The following ANAPC10 variants were observed in gnomAD, a reference collection of about 807,000 sequenced individuals.
ANAPC10 encodes anaphase-promoting complex subunit 10.
ANAPC10 carries 12 observed loss-of-function variants against 22.0 expected under a neutral mutation model. That is an observed-to-expected ratio of 0.55 (90% CI 0.35 to 0.88). ANAPC10 has a LOEUF of 0.88. ANAPC10 is among the 40% of genes least tolerant of loss of function. The pLI is 0.01. For missense variants in ANAPC10, 188 were observed against 220.9 expected (o/e 0.85, Z 0.94); for synonymous variants, 65 against 69.5 (o/e 0.94, Z 0.32).
intron 3 of ANAPC10, among the ~76,000 whole-genome samples, chr4:145,066,463 C>T (rs192535849): frequency 1.5e-4 from 23 of 151,192 alleles, no homozygotes; most frequent in African/African-American, 4.6e-4. Context: ...TCAAAGATCA[C>T]GAAGATGGCT....
chr4:145,048,522 G>A (rs755468564), intron 4 of ANAPC10, among the ~76,000 whole-genome samples: 13 of 152,056 alleles, frequency 8.5e-5, no homozygotes, highest in Non-Finnish European at 1.9e-4. Flanking sequence ...TCATCATTAA[G>A]TCTACTTAAT....
chr4:145,075,401 AC>A (rs1185767090), intron 3 of ANAPC10, among the ~76,000 whole-genome samples: 19 of 152,140 alleles, frequency 1.2e-4, no homozygotes, highest in Non-Finnish European at 2.9e-5. Context: ...CTTAAATAAA[AC>A]TTTTATTTAA....
At chr4:145,044,478 C>T (rs1478678735) in intron 4 of ANAPC10, among the ~76,000 whole-genome samples, 1 of 152,080 alleles carries the variant, frequency 6.6e-6, no homozygotes, top group Non-Finnish European at 1.5e-5. Context: ...TTCCCCCCAA[C>T]TCCCACCCAC....
chr4:145,098,279 C>G (rs1470233658), upstream of ANAPC10: 1 of 152,320 alleles, frequency 6.6e-6, no homozygotes, highest in Non-Finnish European at 1.5e-5. Context: ...GCGCGCACTA[C>G]GTCCTATGGC....
chr4:145,059,932 C>T (rs143491255), intron 4 of ANAPC10, among the ~76,000 whole-genome samples: 15 of 151,968 alleles, frequency 9.9e-5, no homozygotes, highest in African/African-American at 3.4e-4. Context: ...AATGCTAAAA[C>T]GCAAGGGATT....
chr4:145,015,340 T>A (rs1734945920), intron 4 of ANAPC10, among the ~76,000 whole-genome samples: 1 of 151,264 alleles, frequency 6.6e-6, no homozygotes. Context: ...AGAAAGAAAT[T>A]CAGAGCTTGA....
In ANAPC10 at chr4:144,994,810, G is replaced by A. The variant is rs1446561848; in HGVS notation, c.*563C>T. On this transcript the variant is annotated 3_prime_UTR_variant, in exon 5 of 5. Coordinates refer to ENST00000507656, the MANE Select transcript of ANAPC10 (RefSeq NM_001256706.2). Reference sequence around the variant, plus strand: ...GTAAGTATTCCGTGAAGGTGAATATGAGACAATTAATTATACTCCCCATAT... The same window carrying A: ...GTAAGTATTCCGTGAAGGTGAATATAAGACAATTAATTATACTCCCCATAT... The A allele has an allele frequency of 1.3e-5, 2 of 152,176 alleles. No individual in the cohort carries two copies. The highest frequency in any genetic ancestry group is 3.8e-4 in the East Asian group (2 of 5,198). 9.4% of individuals were successfully genotyped at this position (152,176 alleles called of 1,614,324 possible). A position where few individuals can be genotyped will look rare whatever the true frequency, so the allele number is the denominator to read the frequency against.
At chr4:145,039,128 T>G (rs968081028) in intron 4 of ANAPC10, among the ~76,000 whole-genome samples, 1 of 140,432 alleles carries the variant, frequency 7.1e-6, no homozygotes, top group Admixed American at 7.1e-5. Context: ...CAGAGAAAAA[T>G]AGGTCACATG....
At chr4:145,026,779 A>G (rs143320897) in intron 4 of ANAPC10, among the ~76,000 whole-genome samples, 43 of 150,928 alleles carry the variant, frequency 2.8e-4, no homozygotes, top group African/African-American at 1.0e-3. Context: ...AAAAACAAAA[A>G]CAAAGCATCA....
chr4:145,045,944 C>T (rs1288471114), intron 4 of ANAPC10, among the ~76,000 whole-genome samples: 1 of 152,064 alleles, frequency 6.6e-6, no homozygotes, highest in Non-Finnish European at 1.5e-5. Flanking sequence ...AACATATGTT[C>T]TAGCAAAAAT....
intron 4 of ANAPC10, among the ~76,000 whole-genome samples, chr4:145,034,515 A>G (rs1738151889): frequency 7.7e-6 from 1 of 129,192 alleles, no homozygotes. Flanking sequence ...CACTTAACAA[A>G]CTCTCCTTTA....
At chr4:145,065,593 T>G (rs79953717) in intron 3 of ANAPC10, among the ~76,000 whole-genome samples, 3,957 of 152,080 alleles carry the variant, frequency 0.026, 91 homozygotes, top group Non-Finnish European at 0.04. Flanking sequence ...CAGAAAAATC[T>G]TGTCCTGTGA....
At chr4:145,065,250 A>C (rs1054481838) in intron 3 of ANAPC10, among the ~76,000 whole-genome samples, 4 of 151,968 alleles carry the variant, frequency 2.6e-5, no homozygotes, top group African/African-American at 7.2e-5. Flanking sequence ...TAAAATATAC[A>C]TATCCTAGGG....
intron 4 of ANAPC10, among the ~76,000 whole-genome samples, chr4:144,997,335 C>A (rs1302523666): frequency 6.6e-6 from 1 of 152,130 alleles, no homozygotes; most frequent in Non-Finnish European, 1.5e-5. Context: ...GGCAGCCAGA[C>A]AGAAAGGTCG....
intron 4 of ANAPC10, among the ~76,000 whole-genome samples, chr4:145,042,646 C>T (rs1358639892): frequency 6.6e-6 from 1 of 152,034 alleles, no homozygotes; most frequent in Non-Finnish European, 1.5e-5. Flanking sequence ...AACAGAATCC[C>T]TCACAAATTG....
At chr4:145,085,426 GT>G (rs142253858) in intron 2 of ANAPC10, among the ~76,000 whole-genome samples, 9 of 145,512 alleles carry the variant, frequency 6.2e-5, no homozygotes, top group Admixed American at 2.1e-4. Context: ...TGATTAAAAG[GT>G]TTTTTTTTTC....
At chr4:145,082,160 T>C (rs1464862326) in intron 2 of ANAPC10, among the ~76,000 whole-genome samples, 1 of 152,206 alleles carries the variant, frequency 6.6e-6, no homozygotes, top group Admixed American at 6.5e-5. Flanking sequence ...AGATATTATA[T>C]TTTTTTGAGA....
chr4:145,000,748 C>T (rs1294113995), intron 4 of ANAPC10, among the ~76,000 whole-genome samples: 1 of 151,462 alleles, frequency 6.6e-6, no homozygotes, highest in Non-Finnish European at 1.5e-5. Context: ...CACATGCACA[C>T]GTTTATTGTG....
At chr4:145,032,176 G>T (rs1737684368) in intron 4 of ANAPC10, among the ~76,000 whole-genome samples, 1 of 152,184 alleles carries the variant, frequency 6.6e-6, no homozygotes, top group Non-Finnish European at 1.5e-5. Flanking sequence ...TGATATGCAG[G>T]CACCACCTGC....
Sources: gnomAD v4.1 joint callset for allele counts (sites outside exome capture counted in the v4.1 genomes callset) on GRCh38, gnomAD v4.1.1 for gene constraint, MANE v1.5 for transcripts, NCBI Gene and HGNC (gene_info 2026-07-23, HGNC 2026-07-21) for gene names.